Variants in HIVEP3 observed in about 807,000 individuals in gnomAD.
HIVEP3 encodes the protein transcription factor HIVEP3.
Under a neutral mutation model 152.8 loss-of-function variants are expected in HIVEP3, and 49 were observed. The observed-to-expected ratio is 0.32, with a 90% CI of 0.26 to 0.41. HIVEP3 has a LOEUF of 0.41. HIVEP3 is among the 10% of genes least tolerant of loss of function. HIVEP3 has a pLI of 1.00. For synonymous variants in HIVEP3, 1,269 were observed against 1,289.0 expected, an observed-to-expected ratio of 0.98 and a Z score of 0.33; for missense variants, 2,790 against 3,103.3, an observed-to-expected ratio of 0.90 and a Z score of 2.40.
intron 1 of HIVEP3, among the ~76,000 whole-genome samples, chr1:41,773,137 T>A (rs921949220): frequency 6.6e-5 from 10 of 152,190 alleles, no homozygotes; most frequent in African/African-American, 1.9e-4. Flanking sequence ...GATGCTGTGC[T>A]GGGTGCTTCC....
intron 1 of HIVEP3, among the ~76,000 whole-genome samples, chr1:41,736,089 G>A (rs559180909): frequency 6.6e-5 from 10 of 152,116 alleles, no homozygotes; most frequent in Non-Finnish European, 1.0e-4. Context: ...GCCAGTGCCC[G>A]CCCAGGGTGT....
At chr1:41,978,060 C>G (rs1304766787) in intron 1 of HIVEP3, among the ~76,000 whole-genome samples, 3 of 152,106 alleles carry the variant, frequency 2.0e-5, no homozygotes, top group Non-Finnish European at 2.9e-5. Context: ...TTTATTCCTA[C>G]TTTTTTTTCC....
chr1:42,016,304 A>T (rs1437177748), intron 1 of HIVEP3, among the ~76,000 whole-genome samples: 1 of 152,172 alleles, frequency 6.6e-6, no homozygotes, highest in African/African-American at 2.4e-5. Context: ...GTGCCAGATA[A>T]AGGTGGACAG....
intron 1 of HIVEP3, among the ~76,000 whole-genome samples, chr1:41,968,718 G>T (rs1241615778): frequency 6.6e-5 from 10 of 152,142 alleles, no homozygotes; most frequent in Non-Finnish European, 2.9e-5. Flanking sequence ...GGGCAATTAG[G>T]CAAGAGAAAG....
upstream of HIVEP3, among the ~76,000 whole-genome samples, chr1:41,919,975 G>A (rs922889329): frequency 1.3e-5 from 2 of 152,152 alleles, no homozygotes; most frequent in South Asian, 2.1e-4. Flanking sequence ...GGGAGCTACA[G>A]GGGCGCTCCT....
At position 42,035,148 on chromosome 1, in the gene HIVEP3, G is replaced by A. The variant is rs181205537; in HGVS notation, n.119+659C>T. Among the ~76,000 whole-genome samples, 228 of 152,344 alleles carry A rather than the reference G, an allele frequency of 1.5e-3. 3 individuals are homozygous for A. Among genetic ancestry groups the A allele is most frequent in the African/African-American group, 5.3e-3 (219 of 41,582 alleles). On this transcript the variant is annotated intron_variant and non_coding_transcript_variant, in intron 1 of 3. Coordinates refer to the HIVEP3 transcript ENST00000489103. ...AATGCTAAGTAAATTTGTCCAACTG[G>A]TCTAAATGTCAATGCTAACTTAAGA... is the stretch of plus-strand genomic sequence containing the variant.
chr1:41,642,714 C>G (rs1645393806), intron 2 of HIVEP3, among the ~76,000 whole-genome samples: 1 of 152,174 alleles, frequency 6.6e-6, no homozygotes, highest in African/African-American at 2.4e-5. Flanking sequence ...TGAATAAATA[C>G]TGAATTCTCT....
intron 1 of HIVEP3, among the ~76,000 whole-genome samples, chr1:41,838,400 T>C (rs1643190134): frequency 6.6e-6 from 1 of 152,068 alleles, no homozygotes; most frequent in African/African-American, 2.4e-5. Flanking sequence ...CCTATAACTG[T>C]GTCATTTCTT....
chr1:41,693,081 G>A (rs954811972), intron 2 of HIVEP3, among the ~76,000 whole-genome samples: 1 of 152,176 alleles, frequency 6.6e-6, no homozygotes, highest in Non-Finnish European at 1.5e-5. Flanking sequence ...GCTTAGAGAT[G>A]TTAAGGAACT....
intron 1 of HIVEP3, among the ~76,000 whole-genome samples, chr1:41,716,883 CAG>C (rs1646602020): frequency 6.6e-6 from 1 of 152,228 alleles, no homozygotes; most frequent in Non-Finnish European, 1.5e-5. Flanking sequence ...CTGTCACTCT[CAG>C]GCATGACTCT....
chr1:41,652,603 G>C (rs1276645827), intron 2 of HIVEP3, among the ~76,000 whole-genome samples: 1 of 152,190 alleles, frequency 6.6e-6, no homozygotes, highest in Non-Finnish European at 1.5e-5. Flanking sequence ...GGGGTGAAAA[G>C]CTGGGACAAG....
intron 5 of HIVEP3, among the ~76,000 whole-genome samples, chr1:41,573,608 G>C (rs1473400975): frequency 6.6e-6 from 1 of 152,196 alleles, no homozygotes; most frequent in Non-Finnish European, 1.5e-5. Flanking sequence ...GGATATACTA[G>C]TAGTAAAATG....
chr1:41,843,284 C>A (rs1643342741), intron 1 of HIVEP3, among the ~76,000 whole-genome samples: 1 of 152,186 alleles, frequency 6.6e-6, no homozygotes, highest in Non-Finnish European at 1.5e-5. Context: ...CTCTCTACAA[C>A]AGTTGATGGA....
intron 2 of HIVEP3, among the ~76,000 whole-genome samples, chr1:41,643,033 G>A (rs774380470): frequency 2.2e-4 from 33 of 152,018 alleles, no homozygotes; most frequent in Non-Finnish European, 4.0e-4. Context: ...AAGTTCCTAC[G>A]CCCATGAGCC....
intron 1 of HIVEP3, among the ~76,000 whole-genome samples, chr1:42,010,057 G>A (rs1428876943): frequency 6.6e-6 from 1 of 151,922 alleles, no homozygotes; most frequent in Non-Finnish European, 1.5e-5. Context: ...ACCATGCCTG[G>A]CTAATTTTTT....
At position 41,588,975 on chromosome 1, in the gene HIVEP3, G is replaced by A. The variant is rs888421850; in HGVS notation, c.-521-3657C>T. 5.3e-5 allele frequency among the ~76,000 whole-genome samples: 8 copies of A among 152,314 alleles called. No homozygotes were observed. In the South Asian group the frequency reaches 1.0e-3, roughly 20 times the overall value. On this transcript the variant is annotated intron_variant, in intron 3 of 8. Coordinates refer to ENST00000372583, the MANE Select transcript of HIVEP3 (RefSeq NM_024503.5). The stretch of plus-strand genomic sequence containing the variant: ...ACCTGCAGGACCTAAGGAGACTTCT[G>A]TCTTGGAATGGATTCCAAATGTGGT...
At chr1:41,989,664 TTTA>T in intron 1 of HIVEP3, among the ~76,000 whole-genome samples, 1 of 152,296 alleles carries the variant, frequency 6.6e-6, no homozygotes, top group African/African-American at 2.4e-5. Context: ...AAAGCCATAG[TTTA>T]TTTTAAAATT....
In HIVEP3 at chr1:41,510,932, GTGGGACTCCAGCGGCCTCGCTCC is replaced by G; in HGVS notation, c.6717_6739del (p.Gln2239HisfsTer2). The stretch of plus-strand genomic sequence containing the variant: ...CGACACGGAGGCTGACGAGCTCTCA[GTGGGACTCCAGCGGCCTCGCTCC>G]TGGGCCTCCCGGGCCCCTGTCAGGT... On this transcript the variant is annotated frameshift_variant, in exon 9 of 9. Coordinates refer to ENST00000372583, the MANE Select transcript of HIVEP3 (RefSeq NM_024503.5). LOFTEE classifies it high-confidence loss of function. 6.2e-7 allele frequency: 1 copy of G among 1,613,602 alleles called. No homozygotes were observed. The highest frequency in any genetic ancestry group is 8.5e-7 in the Non-Finnish European group (1 of 1,179,890).
intron 1 of HIVEP3, among the ~76,000 whole-genome samples, chr1:41,899,969 C>T (rs1644594505): frequency 6.6e-6 from 1 of 152,138 alleles, no homozygotes; most frequent in Admixed American, 6.5e-5. Context: ...GAATCTGGAG[C>T]ATCTCAGGGT....
Sources: gnomAD v4.1 joint callset for allele counts (sites outside exome capture counted in the v4.1 genomes callset) on GRCh38, gnomAD v4.1.1 for gene constraint, MANE v1.5 for transcripts, NCBI Gene and HGNC (gene_info 2026-07-23, HGNC 2026-07-21) for gene names.